The following CDH18 variants were observed in gnomAD, a reference collection of about 807,000 sequenced individuals.
CDH18 encodes cadherin-18.
A neutral mutation model predicts 67.9 loss-of-function variants in CDH18; 31 were observed. The ratio of observed to expected loss-of-function variants is 0.46; its 90% CI spans 0.34 to 0.62. The LOEUF (loss-of-function observed/expected upper bound fraction) is 0.62. CDH18 is among the 20% of genes least tolerant of loss of function. The pLI, the probability that CDH18 is intolerant of heterozygous loss-of-function variation, is 0.01. For synonymous variants in CDH18, 362 were observed against 347.2 expected, an observed-to-expected ratio of 1.04 and a Z score of -0.48; for missense variants, 890 against 975.5, an observed-to-expected ratio of 0.91 and a Z score of 1.17.
At chr5:19,543,794 C>G (rs960698522) in intron 9 of CDH18, 75 bp downstream of exon 9, 9 of 1,040,202 alleles carry the variant, frequency 8.7e-6, no homozygotes, top group Non-Finnish European at 1.2e-5. Flanking sequence ...TTATGAGAGC[C>G]CTGCTCTTAA....
chr5:20,502,369 C>A (rs1198854791), intron 1 of CDH18, among the ~76,000 whole-genome samples: 3 of 152,112 alleles, frequency 2.0e-5, no homozygotes, highest in Non-Finnish European at 4.4e-5. Flanking sequence ...CAACCAAAAA[C>A]TGCCTCAAGG....
At chr5:19,756,616 T>A (rs1223606225) in intron 3 of CDH18, among the ~76,000 whole-genome samples, 1 of 152,206 alleles carries the variant, frequency 6.6e-6, no homozygotes, top group Admixed American at 6.5e-5. Context: ...ATCTTGATAG[T>A]CTGGGTCAAT....
At chr5:19,638,746 C>T (rs1580641100) in intron 5 of CDH18, among the ~76,000 whole-genome samples, 1 of 151,640 alleles carries the variant, frequency 6.6e-6, no homozygotes, top group East Asian at 2.0e-4. Flanking sequence ...TGCAGCAACA[C>T]AGTAAAGAAA....
At chr5:19,920,521 T>C (rs1210692705) in intron 2 of CDH18, among the ~76,000 whole-genome samples, 1 of 150,064 alleles carries the variant, frequency 6.7e-6, no homozygotes, top group Non-Finnish European at 1.5e-5. Context: ...TTTTTTTTTT[T>C]TTTTTTTTTT....
chr5:19,656,756 A>G (rs1211900329), intron 5 of CDH18, among the ~76,000 whole-genome samples: 1 of 152,122 alleles, frequency 6.6e-6, no homozygotes, highest in Admixed American at 6.6e-5. Flanking sequence ...TAGAGTAACA[A>G]TTGAAATGTA....
intron 3 of CDH18, among the ~76,000 whole-genome samples, chr5:19,837,061 A>G (rs1781731632): frequency 6.6e-6 from 1 of 152,188 alleles, no homozygotes; most frequent in Admixed American, 6.6e-5. Flanking sequence ...CATTTATACC[A>G]GGGAATACTA....
intron 3 of CDH18, among the ~76,000 whole-genome samples, chr5:19,772,104 TA>T (rs1304877109): frequency 6.6e-6 from 1 of 152,254 alleles, no homozygotes; most frequent in Non-Finnish European, 1.5e-5. Context: ...CTCCTGTCGT[TA>T]AAAAATAATT....
intron 5 of CDH18, among the ~76,000 whole-genome samples, chr5:19,639,345 T>G (rs2150217860): frequency 6.6e-6 from 1 of 152,210 alleles, no homozygotes; most frequent in Middle Eastern, 3.4e-3. Flanking sequence ...CGAAGATGGC[T>G]AGAAACAAAG....
At chr5:20,305,239 C>T (rs1359640955) in intron 1 of CDH18, 2 of 1,374,338 alleles carry the variant, frequency 1.5e-6, no homozygotes, top group Admixed American at 3.4e-5. Context: ...TCCAGGAAAC[C>T]GTCCTCCTCC....
Position 20,329,768 on chromosome 5 carries a change from CAAAAAAAAAA to C in CDH18, c.-579-74273_-579-74264del, listed in dbSNP as rs60246535. Among the ~76,000 whole-genome samples the C allele has an allele frequency of 7.5e-3, 472 of 62,572 alleles. 3 individuals carry two copies. Among genetic ancestry groups the C allele is most frequent in the Middle Eastern group, 0.053 (2 of 38 alleles). The allele number at this position is 62,572 out of a possible 152,430, so 41.0% of individuals were successfully genotyped here. A position where few individuals can be genotyped will look rare whatever the true frequency, so the allele number is the denominator to read the frequency against. On this transcript the variant is annotated intron_variant, in intron 1 of 14. Transcript: ENST00000507958. ...CTGGGCAACAAGAGCGAAACTCCAT[CAAAAAAAAAA>C]AAAAAAAAAAAAAAAAGAGTAAGCC...
chr5:20,116,085 T>C (rs1170969286), intron 2 of CDH18, among the ~76,000 whole-genome samples: 8 of 152,212 alleles, frequency 5.3e-5, no homozygotes, highest in Admixed American at 6.5e-5. Flanking sequence ...GAAAATGATG[T>C]GTCTGCTTTA....
intron 2 of CDH18, among the ~76,000 whole-genome samples, chr5:19,917,837 T>A (rs1791999969): frequency 6.6e-6 from 1 of 152,160 alleles, no homozygotes; most frequent in South Asian, 2.1e-4. Flanking sequence ...TGGTCAAAAA[T>A]TCCATTTTTA....
intron 1 of CDH18, among the ~76,000 whole-genome samples, chr5:19,984,293 T>C (rs566188160): frequency 2.0e-5 from 3 of 152,188 alleles, no homozygotes; most frequent in African/African-American, 4.8e-5. Flanking sequence ...ACATCAAGCA[T>C]TAATAATGGT....
chr5:19,861,565 C>A (rs1365509102), intron 2 of CDH18, among the ~76,000 whole-genome samples: 1 of 152,006 alleles, frequency 6.6e-6, no homozygotes, highest in Non-Finnish European at 1.5e-5. Context: ...TAAAGAGGGA[C>A]AAAGGCAGAA....
At chr5:20,091,719 T>C (rs1218918064) in intron 2 of CDH18, among the ~76,000 whole-genome samples, 1 of 152,062 alleles carries the variant, frequency 6.6e-6, no homozygotes, top group Non-Finnish European at 1.5e-5. Context: ...ATACTGATCC[T>C]CTCTTTCATA....
chr5:19,847,678 T>C (rs751396255), intron 2 of CDH18, among the ~76,000 whole-genome samples: 5 of 152,084 alleles, frequency 3.3e-5, no homozygotes, highest in Non-Finnish European at 5.9e-5. Context: ...ATCTGCGTAT[T>C]TGAAAGTCAG....
chr5:19,761,595 CA>C (rs1433990770), intron 3 of CDH18, among the ~76,000 whole-genome samples: 1 of 151,978 alleles, frequency 6.6e-6, no homozygotes, highest in African/African-American at 2.4e-5. Context: ...TAAAAGAGGA[CA>C]CAAACAAATG....
At chr5:20,392,688 A>T (rs1319468752) in intron 1 of CDH18, among the ~76,000 whole-genome samples, 1 of 151,920 alleles carries the variant, frequency 6.6e-6, no homozygotes, top group East Asian at 1.9e-4. Flanking sequence ...CAGTGCTTTC[A>T]ACTACTACCT....
intron 7 of CDH18, among the ~76,000 whole-genome samples, chr5:19,575,845 G>A (rs1742226332): frequency 6.6e-6 from 1 of 152,054 alleles, no homozygotes; most frequent in Non-Finnish European, 1.5e-5. Context: ...TTTTGTGGCT[G>A]CCCTAGCCTG....
Sources: gnomAD v4.1 joint callset for allele counts (sites outside exome capture counted in the v4.1 genomes callset) on GRCh38, gnomAD v4.1.1 for gene constraint, MANE v1.5 for transcripts, NCBI Gene and HGNC (gene_info 2026-07-23, HGNC 2026-07-21) for gene names.